WWOX: variants seen among roughly 807,000 people sequenced by gnomAD.
WWOX encodes WW domain containing oxidoreductase.
WWOX carries 69 observed loss-of-function variants against 46.2 expected under a neutral mutation model. The observed-to-expected ratio is 1.49, with a 90% CI of 1.23 to 1.82. WWOX has a LOEUF of 1.82. WWOX is among the 40% of genes most tolerant of loss of function. WWOX has a pLI of 0.00. For synonymous variants in WWOX, 359 were observed against 202.6 expected (o/e 1.77, Z -6.56); for missense variants, 919 against 542.6 (o/e 1.69, Z -6.89).
intron 5 of WWOX, among the ~76,000 whole-genome samples, chr16:78,313,164 A>G (rs1315060871): frequency 6.6e-6 from 1 of 152,192 alleles, no homozygotes; most frequent in East Asian, 1.9e-4. Context: ...GGCATGTGGT[A>G]GACTTGGAAA....
chr16:79,206,402 A>G (rs141759532), intron 8 of WWOX: 7 of 152,352 alleles, frequency 4.6e-5, no homozygotes, highest in East Asian at 3.9e-4. Context: ...AATTATCTGT[A>G]TGGCTTTGGA....
intron 4 of WWOX, among the ~76,000 whole-genome samples, chr16:78,151,212 C>G (rs1029736630): frequency 6.6e-6 from 1 of 152,068 alleles, no homozygotes; most frequent in Non-Finnish European, 1.5e-5. Context: ...TGCCAGGAAC[C>G]TGGATGAAGA....
At chr16:78,705,413 CG>C (rs1338742718) in intron 8 of WWOX, among the ~76,000 whole-genome samples, 1 of 152,128 alleles carries the variant, frequency 6.6e-6, no homozygotes, top group Non-Finnish European at 1.5e-5. Flanking sequence ...CAAGCCAAGG[CG>C]AAAGTGGCTG....
chr16:78,901,674 T>C (rs961516947), intron 8 of WWOX, among the ~76,000 whole-genome samples: 2 of 152,174 alleles, frequency 1.3e-5, no homozygotes, highest in African/African-American at 2.4e-5. Context: ...TTTTTTGTAG[T>C]AACACGGTTT....
intron 5 of WWOX, among the ~76,000 whole-genome samples, chr16:78,384,001 A>C (rs562705542): frequency 6.6e-6 from 1 of 152,188 alleles, no homozygotes; most frequent in Non-Finnish European, 1.5e-5. Flanking sequence ...AAAACTTAGC[A>C]GTTGTAAGTT....
At chr16:79,068,218 G>T (rs1428425376) in intron 8 of WWOX, among the ~76,000 whole-genome samples, 2 of 152,190 alleles carry the variant, frequency 1.3e-5, no homozygotes, top group Admixed American at 1.3e-4. Context: ...AGTAGCAACG[G>T]TAACTAATGA....
chr16:78,587,476 AACGTGCATG>A (rs2045239304), intron 8 of WWOX, among the ~76,000 whole-genome samples: 1 of 152,014 alleles, frequency 6.6e-6, no homozygotes, highest in Non-Finnish European at 1.5e-5. Context: ...ATTGATTCCA[AACGTGCATG>A]AATCTTTCAA....
At chr16:78,760,275 C>A (rs79313907) in intron 8 of WWOX, among the ~76,000 whole-genome samples, 1 of 152,124 alleles carries the variant, frequency 6.6e-6, no homozygotes, top group Non-Finnish European at 1.5e-5. Flanking sequence ...TGGGAGAAAT[C>A]GATCCTGTGA....
At chr16:79,058,983 A>G (rs545961883) in intron 8 of WWOX, among the ~76,000 whole-genome samples, 1 of 152,238 alleles carries the variant, frequency 6.6e-6, no homozygotes, top group African/African-American at 2.4e-5. Context: ...TTTAAAAGGA[A>G]AACAATGACT....
chr16:78,361,206 A>G (rs2081403947), intron 5 of WWOX, among the ~76,000 whole-genome samples: 1 of 152,134 alleles, frequency 6.6e-6, no homozygotes, highest in South Asian at 2.1e-4. Flanking sequence ...TTTTCTCATC[A>G]TTAGCTGAGT....
At chr16:79,006,590 T>C (rs566109576) in intron 8 of WWOX, among the ~76,000 whole-genome samples, 91 of 152,232 alleles carry the variant, frequency 6.0e-4, no homozygotes, top group African/African-American at 1.9e-3. Flanking sequence ...AACCAATGAT[T>C]ACAAATGTAC....
chr16:79,087,919 G>A (rs537277267), intron 8 of WWOX, among the ~76,000 whole-genome samples: 2 of 152,268 alleles, frequency 1.3e-5, no homozygotes, highest in Non-Finnish European at 2.9e-5. Context: ...AGGAGGCCTA[G>A]GGACCCTTGG....
At chr16:79,013,794 C>G (rs1266532255) in intron 8 of WWOX, among the ~76,000 whole-genome samples, 1 of 152,098 alleles carries the variant, frequency 6.6e-6, no homozygotes, top group Non-Finnish European at 1.5e-5. Context: ...TTTTTTTAGC[C>G]CAATTGCCTC....
chr16:78,160,150 A>T (rs1381384727), intron 4 of WWOX, among the ~76,000 whole-genome samples: 1 of 151,760 alleles, frequency 6.6e-6, no homozygotes, highest in Non-Finnish European at 1.5e-5. Flanking sequence ...ATGGATGCTT[A>T]GATCATCTTG....
chr16:78,881,436 T>C (rs907514693), intron 8 of WWOX, among the ~76,000 whole-genome samples: 2 of 152,210 alleles, frequency 1.3e-5, no homozygotes, highest in Admixed American at 6.5e-5. Flanking sequence ...CAAAATATAT[T>C]TTCAAGGAAA....
At chr16:78,792,075 G>C (rs576032909) in intron 8 of WWOX, among the ~76,000 whole-genome samples, 67 of 152,232 alleles carry the variant, frequency 4.4e-4, no homozygotes, top group African/African-American at 1.5e-3. Context: ...CCCTGGTGCG[G>C]GGGAGCAGGA....
intron 8 of WWOX, among the ~76,000 whole-genome samples, chr16:78,652,395 C>T (rs553370419): frequency 4.5e-4 from 57 of 126,890 alleles, no homozygotes; most frequent in Non-Finnish European, 6.7e-4. Flanking sequence ...GGTGACAGAG[C>T]GAGACTCCGT....
chr16:78,337,991 A>C (rs2151897728), intron 5 of WWOX, among the ~76,000 whole-genome samples: 1 of 120,158 alleles, frequency 8.3e-6, no homozygotes, highest in East Asian at 1.9e-4. Flanking sequence ...GTCACTTGGC[A>C]ACCAAGCTGA....
At chr16:78,962,593 G>A (rs2151313778) in intron 8 of WWOX, among the ~76,000 whole-genome samples, 1 of 152,212 alleles carries the variant, frequency 6.6e-6, no homozygotes, top group African/African-American at 2.4e-5. Flanking sequence ...AGAATGCCTG[G>A]CACAGGAAGA....
Sources: allele counts gnomAD v4.1 joint callset (sites outside exome capture counted in the v4.1 genomes callset), GRCh38; gene constraint gnomAD v4.1.1; transcripts MANE v1.5; gene names NCBI Gene and HGNC (gene_info 2026-07-23, HGNC 2026-07-21).